KIF4A: variants seen among roughly 807,000 people sequenced by gnomAD.
The protein encoded by KIF4A is kinesin family member 4A, also known as chromosome-associated kinesin KIF4A.
KIF4A carries 7 observed loss-of-function variants against 105.9 expected under a neutral mutation model. The ratio of observed to expected loss-of-function variants is 0.07; its 90% CI spans 0.04 to 0.12. KIF4A has a LOEUF of 0.12. KIF4A is among the 10% of genes least tolerant of loss of function. The pLI, the probability that KIF4A is intolerant of heterozygous loss-of-function variation, is 1.00. For missense variants in KIF4A, 558 were observed against 929.2 expected (o/e 0.60, Z 5.19); for synonymous variants, 281 against 331.3 (o/e 0.85, Z 1.65).
chrX:70,342,659 A>G (rs2085976825), intron 11 of KIF4A, among the ~76,000 whole-genome samples: 1 of 112,602 alleles, frequency 8.9e-6, no homozygotes. Context: ...CTAGTCAAGG[A>G]AAGATAAGCT....
intron 15 of KIF4A, among the ~76,000 whole-genome samples, chrX:70,358,154 C>T (rs2086059523): frequency 9.0e-6 from 1 of 111,266 alleles, no homozygotes. Context: ...TAGTGATCCT[C>T]CCAGCCTCCC....
chrX:70,290,931 C>G, intron 3 of KIF4A, 126 bp downstream of exon 3: 1 of 472,791 alleles, frequency 2.1e-6, no homozygotes, highest in East Asian at 3.7e-5. Flanking sequence ...TTCAAGAAGC[C>G]CTTAGCCTAA....
chrX:70,353,157 C>G (rs202129433), intron 14 of KIF4A, among the ~76,000 whole-genome samples: 1 of 112,173 alleles, frequency 8.9e-6, no homozygotes, highest in African/African-American at 3.2e-5. Context: ...AAATGAAAGG[C>G]TGGATGATGG....
At position 70,348,863 on chromosome X, in the gene KIF4A, GTC is replaced by G. The variant is rs745487385; in HGVS notation, c.1432-3733_1432-3732del. Reference sequence around the variant, plus strand: ...TCATGGCCCGTTCTCAATGGTCGCTGTCTCTTCAGAGCTGTTGGGTACACCTC... The same window carrying G: ...TCATGGCCCGTTCTCAATGGTCGCTGTCTTCAGAGCTGTTGGGTACACCTC... On this transcript the variant is annotated intron_variant, in intron 13 of 30. Coordinates refer to ENST00000374403, the MANE Select transcript of KIF4A (RefSeq NM_012310.5). Among the ~76,000 whole-genome samples the G allele has an allele frequency of 5.7e-3, 639 of 112,510 alleles. 7 individuals are homozygous for G. Among genetic ancestry groups the G allele is most frequent in the African/African-American group, 0.019 (598 of 30,988 alleles).
intron 10 of KIF4A, among the ~76,000 whole-genome samples, chrX:70,338,912 C>T (rs7877920): frequency 1.8e-3 from 202 of 109,737 alleles, no homozygotes; most frequent in Middle Eastern, 0.014. Context: ...GGTGAAACCT[C>T]GTCTCTACTA....
At chrX:70,399,961 AAAC>A (rs199581172) in intron 22 of KIF4A, among the ~76,000 whole-genome samples, 6,259 of 105,234 alleles carry the variant, frequency 0.059, 192 homozygotes, top group Middle Eastern at 0.093. Context: ...AATAAAATAA[AAAC>A]AACAACAACA....
At chrX:70,416,319 A>G (rs953538707) in intron 28 of KIF4A, among the ~76,000 whole-genome samples, 2 of 105,648 alleles carry the variant, frequency 1.9e-5, no homozygotes, top group Admixed American at 1.0e-4. Context: ...TTACACCTCA[A>G]ATCCCTAGGC....
At chrX:70,341,222 A>G (rs1410580158) in intron 10 of KIF4A, among the ~76,000 whole-genome samples, 2 of 111,936 alleles carry the variant, frequency 1.8e-5, no homozygotes, top group Non-Finnish European at 3.8e-5. Context: ...TTTATAAAGA[A>G]TTGTGAAATG....
chrX:70,327,404 G>C (rs2085915042), intron 7 of KIF4A, among the ~76,000 whole-genome samples: 1 of 110,733 alleles, frequency 9.0e-6, no homozygotes, highest in South Asian at 3.9e-4. Context: ...AGAGGAAATG[G>C]AAGGAATAGA....
chrX:70,304,495 G>A (rs1172977899), intron 7 of KIF4A, among the ~76,000 whole-genome samples: 1 of 108,409 alleles, frequency 9.2e-6, no homozygotes, highest in African/African-American at 3.4e-5. Context: ...TCTAGTTTTC[G>A]ATCCCTGAGG....
At chrX:70,349,661 T>C (rs1335260649) in intron 13 of KIF4A, among the ~76,000 whole-genome samples, 36 of 44,542 alleles carry the variant, frequency 8.1e-4, no homozygotes, top group East Asian at 3.2e-3. Context: ...GGGTGGCGGC[T>C]GGGCAGAGGC....
At chrX:70,307,048 A>G (rs2085830227) in intron 7 of KIF4A, among the ~76,000 whole-genome samples, 1 of 109,817 alleles carries the variant, frequency 9.1e-6, no homozygotes, top group Non-Finnish European at 1.9e-5. Flanking sequence ...CTGGTCTTGA[A>G]TGCCTGGCCT....
chrX:70,346,229 C>T (rs954001523), intron 13 of KIF4A, among the ~76,000 whole-genome samples: 1 of 111,986 alleles, frequency 8.9e-6, no homozygotes, highest in African/African-American at 3.2e-5. Flanking sequence ...TGTTAGACAA[C>T]GGCTATCACA....
rs187219343 is a variant in KIF4A, at chrX:70,414,754, G to C, written c.3256-3134G>C. Among the ~76,000 whole-genome samples, 709 of 111,807 alleles carry C rather than the reference G, an allele frequency of 6.3e-3. 6 individuals are homozygous for C. The highest frequency in any genetic ancestry group is 0.022 in the African/African-American group (665 of 30,785). On this transcript the variant is annotated intron_variant, in intron 28 of 30. Transcript: ENST00000374403. The stretch of plus-strand genomic sequence containing the variant: ...ATGGCAGAATTGGGTCCTATGATTA[G>C]AAGTTATATAGAAACTATTATCACC...
At chrX:70,393,330 A>G (rs2086244629) in intron 20 of KIF4A, among the ~76,000 whole-genome samples, 1 of 111,283 alleles carries the variant, frequency 9.0e-6, no homozygotes, top group Non-Finnish European at 1.9e-5. Context: ...GAACTTATTG[A>G]GACTTATTTT....
intron 18 of KIF4A, among the ~76,000 whole-genome samples, chrX:70,381,208 A>T (rs2086196282): frequency 8.9e-6 from 1 of 111,951 alleles, no homozygotes; most frequent in Non-Finnish European, 1.9e-5. Context: ...GTATATTTAT[A>T]TACTAGCAAT....
At chrX:70,416,339 C>T (rs956963883) in intron 28 of KIF4A, among the ~76,000 whole-genome samples, 61 of 102,794 alleles carry the variant, frequency 5.9e-4, no homozygotes, top group African/African-American at 2.1e-3. Flanking sequence ...CCCTTTTCTG[C>T]ACAGTCTTTT....
intron 7 of KIF4A, among the ~76,000 whole-genome samples, chrX:70,309,887 CCAAAAATTAGCCAAGCGTGGTGGCG>C (rs1446078256): frequency 9.0e-6 from 1 of 111,633 alleles, no homozygotes; most frequent in Non-Finnish European, 1.9e-5. Context: ...TACTAACATT[CCAAAAATTAGCCAAGCGTGGTGGCG>C]CACGCCTGTA....
At chrX:70,346,781 G>A (rs924998709) in intron 13 of KIF4A, among the ~76,000 whole-genome samples, 23 of 111,337 alleles carry the variant, frequency 2.1e-4, no homozygotes, top group African/African-American at 7.2e-4. Flanking sequence ...TCTATTGTTC[G>A]GAGACCCTCC....
Sources: allele counts gnomAD v4.1 joint callset (sites outside exome capture counted in the v4.1 genomes callset), GRCh38; gene constraint gnomAD v4.1.1; transcripts MANE v1.5; gene names NCBI Gene and HGNC (gene_info 2026-07-23, HGNC 2026-07-21).